Variants in ZBTB7B observed in about 807,000 individuals in gnomAD.
The protein encoded by ZBTB7B is zinc finger and BTB domain-containing protein 7B.
ZBTB7B carries 8 observed loss-of-function variants against 31.0 expected under a neutral mutation model. The ratio of observed to expected loss-of-function variants is 0.26; its 90% CI spans 0.15 to 0.47. The LOEUF (loss-of-function observed/expected upper bound fraction) is 0.47. Ranked by LOEUF, ZBTB7B falls within the 20% of genes least tolerant of loss-of-function variation. ZBTB7B has a pLI of 0.99. For missense variants in ZBTB7B, 494 were observed against 742.4 expected (o/e 0.67, Z 3.89); for synonymous variants, 261 against 307.3 (o/e 0.85, Z 1.58).
chr1:155,013,308 T>C (rs1192294675), intron 1 of ZBTB7B, among the ~76,000 whole-genome samples: 1 of 152,212 alleles, frequency 6.6e-6, no homozygotes, highest in African/African-American at 2.4e-5. Context: ...CAAGCCTGGC[T>C]GACTCCAGAG....
intron 1 of ZBTB7B, among the ~76,000 whole-genome samples, chr1:155,006,694 C>T (rs751012120): frequency 4.6e-5 from 7 of 152,200 alleles, no homozygotes; most frequent in African/African-American, 1.4e-4. Context: ...CCCTTACTTT[C>T]GACCTCATGT....
intron 1 of ZBTB7B, among the ~76,000 whole-genome samples, chr1:155,007,360 G>C (rs894582201): frequency 6.6e-6 from 1 of 152,222 alleles, no homozygotes; most frequent in African/African-American, 2.4e-5. Context: ...AAAGGGCAGA[G>C]AGCAGCCCCA....
chr1:155,015,389 C>A lies in ZBTB7B; in HGVS notation c.729C>A (p.Gly243=). The A allele has an allele frequency of 6.4e-7, 1 of 1,571,670 alleles. No homozygotes were observed. The highest frequency in any genetic ancestry group is 1.2e-5 in the South Asian group (1 of 84,526). ...YEEEEVAGRV[G]SSGGSGPGDS... is the part of the protein sequence containing the mutation. Reference sequence around the variant, plus strand: ...AGGAGGAGGTGGCGGGCAGAGTGGGCAGCAGTGGGGGCAGTGGGCCGGGGG... The same window carrying A: ...AGGAGGAGGTGGCGGGCAGAGTGGGAAGCAGTGGGGGCAGTGGGCCGGGGG... The change falls in exon 2 of 3, where the codon GGC becomes GGA. Residue 243 remains glycine, a synonymous_variant. Transcript: ENST00000535420.
At chr1:155,002,275 G>C (rs865854002), upstream of ZBTB7B, among the ~76,000 whole-genome samples, 45 of 151,690 alleles carry the variant, frequency 3.0e-4, no homozygotes, top group Middle Eastern at 0.021. Flanking sequence ...AGGGCTGGAT[G>C]GGGGCCGGGG....
chr1:155,013,987 C>T, intron 1 of ZBTB7B: 1 of 980,936 alleles, frequency 1.0e-6, no homozygotes, highest in South Asian at 4.7e-5. Flanking sequence ...TTGGAAGCTG[C>T]CTTCTCTTGT....
At chr1:155,011,111 GC>G in intron 1 of ZBTB7B, 4 of 1,137,610 alleles carry the variant, frequency 3.5e-6, no homozygotes, top group Non-Finnish European at 5.1e-6. Flanking sequence ...TCCGCCTGCT[GC>G]CCCCCACACT....
rs201659174 is a variant in ZBTB7B at position 155,016,230 on chromosome 1, C to T, written c.1165C>T (p.Leu389=). 6 of 1,612,466 alleles carry T rather than the reference C, an allele frequency of 3.7e-6. No homozygotes were observed. The Admixed American group carries it at 5.0e-5, about 13-fold the overall frequency. The change falls in exon 3 of 3, where the codon CTG becomes TTG. Residue 389 remains leucine, a synonymous_variant. Coordinates refer to ENST00000535420, the MANE Select transcript of ZBTB7B (RefSeq NM_001256455.2). This position sits in a 1 kb window ranked among gnomAD's most constrained non-coding sequence, Gnocchi z 4.3. The part of the protein sequence containing the change: ...CGVRFTRNDK[L]KIHMRKHTGE... ...CCCTGCCTGTGCCAGGAACGACAAG[C>T]TGAAGATCCACATGCGGAAGCACAC...
rs1362999333 is a variant in ZBTB7B, at chr1:155,014,680, A to C, written c.20A>C (p.Asp7Ala). 2 of 1,613,368 alleles carry C rather than the reference A, an allele frequency of 1.2e-6. No individual in the cohort carries two copies. Among genetic ancestry groups the C allele is most frequent in the Non-Finnish European group, 8.5e-7 (1 of 1,179,442 alleles). Residue 7 changes from aspartate (D) to alanine (A), a missense_variant, in exon 2 of 3, where the codon GAC (aspartate) becomes GCC (alanine). Coordinates refer to ENST00000535420, the MANE Select transcript of ZBTB7B (RefSeq NM_001256455.2). MGSPED[D>A]LIGIPFPDHS... ...GAGAAGATGGGGAGCCCCGAGGATG[A>C]CCTGATTGGGATTCCATTCCCGGAC...
chr1:155,013,654 G>C (rs1659153078), intron 1 of ZBTB7B, among the ~76,000 whole-genome samples: 1 of 152,070 alleles, frequency 6.6e-6, no homozygotes, highest in African/African-American at 2.4e-5. Flanking sequence ...AAGGCCTTCT[G>C]GAGACGGGGC....
At chr1:155,010,773 A>G in intron 1 of ZBTB7B, 1 of 709,564 alleles carries the variant, frequency 1.4e-6, no homozygotes, top group Non-Finnish European at 2.3e-6. Context: ...ACTTAGCTCC[A>G]AAAAAACAGG....
chr1:155,015,951 G>A lies in ZBTB7B; in HGVS notation c.1154+137G>A. On this transcript the variant is annotated intron_variant, in intron 2 of 2. Transcript: ENST00000535420. Reference sequence around the variant, plus strand: ...ACTGGGGCATGGGTGGGTTACTGGAGTGAGGAGAGCAGAAGAAAACAAGCC... The same window carrying A: ...ACTGGGGCATGGGTGGGTTACTGGAATGAGGAGAGCAGAAGAAAACAAGCC... 34 of 1,171,584 alleles carry A rather than the reference G, an allele frequency of 2.9e-5. No individual in the cohort carries two copies. The South Asian group carries it at 5.3e-4, about 18-fold the overall frequency. 72.6% of individuals were successfully genotyped at this position (1,171,584 alleles called of 1,614,324 possible).
rs1313381481 is a variant in ZBTB7B at position 155,003,192 on chromosome 1, C to T, written c.-7+249C>T. Among the ~76,000 whole-genome samples, 1 of 152,222 alleles carries T rather than the reference C, an allele frequency of 6.6e-6. No homozygotes were observed. The highest frequency in any genetic ancestry group is 1.5e-5 in the Non-Finnish European group (1 of 68,036). On this transcript the variant is annotated intron_variant, in intron 1 of 2. Coordinates refer to ENST00000535420, the MANE Select transcript of ZBTB7B (RefSeq NM_001256455.2). This position sits in a 1 kb window ranked among gnomAD's most constrained non-coding sequence, Gnocchi z 5.8. ...GGCGGAGGGTCCCCAGAAAGTTTAT[C>T]TGCACTTCTCCTGGGATCAGACAGA... is the stretch of plus-strand genomic sequence containing the variant.
intron 1 of ZBTB7B, chr1:155,014,182 C>A: frequency 1.4e-6 from 1 of 736,832 alleles, no homozygotes. Context: ...ATGACTGAGG[C>A]CAGCTGCCAG....
At chr1:155,014,622 C>T (rs374485911) in intron 1 of ZBTB7B, 33 bp from the exon 2 acceptor site, 398 of 1,576,366 alleles carry the variant, frequency 2.5e-4, no homozygotes, top group Non-Finnish European at 3.2e-4. Context: ...GTGGGCTGAG[C>T]GCTCTTAATC....
chr1:155,005,472 C>A (rs543773683), intron 1 of ZBTB7B, among the ~76,000 whole-genome samples: 1 of 152,280 alleles, frequency 6.6e-6, no homozygotes, highest in South Asian at 2.1e-4. Context: ...CCTGGTACTG[C>A]CCCCTTCTTA....
chr1:155,013,907 T>C (rs111637773), intron 1 of ZBTB7B: 3,816 of 361,158 alleles, frequency 0.011, 160 homozygotes, highest in African/African-American at 0.082. Context: ...CCTGGAGAAG[T>C]GGGGGATCTA....
intron 1 of ZBTB7B, chr1:155,011,133 C>T: frequency 1.1e-6 from 1 of 943,872 alleles, no homozygotes; most frequent in Non-Finnish European, 1.6e-6. Context: ...AAGCCTCACT[C>T]CCCTAATCCC....
At chr1:155,014,519 T>C (rs1661120150) in intron 1 of ZBTB7B, 136 bp from the exon 2 acceptor site, 7 of 736,610 alleles carry the variant, frequency 9.5e-6, no homozygotes, top group Non-Finnish European at 1.6e-5. Flanking sequence ...TTCTGGAAGA[T>C]GAAATGAGTG....
intron 1 of ZBTB7B, chr1:155,014,203 G>C (rs1050326117): frequency 2.0e-6 from 1 of 509,260 alleles, no homozygotes; most frequent in African/African-American, 2.1e-5. Context: ...TACCACCCCC[G>C]GTCCTTCAGC....
Sources: allele counts gnomAD v4.1 joint callset (sites outside exome capture counted in the v4.1 genomes callset), GRCh38; gene constraint gnomAD v4.1.1; non-coding constraint Gnocchi (gnomAD v3.1); transcripts MANE v1.5; gene names NCBI Gene and HGNC (gene_info 2026-07-23, HGNC 2026-07-21).